Variants in GKAP1 observed in about 807,000 individuals in gnomAD.
GKAP1 encodes G kinase anchoring protein 1, also known as G kinase-anchoring protein 1.
GKAP1 carries 31 observed loss-of-function variants against 56.7 expected under a neutral mutation model. The ratio of observed to expected loss-of-function variants is 0.55; its 90% CI spans 0.41 to 0.74. The LOEUF (loss-of-function observed/expected upper bound fraction) is 0.74. Ranked by LOEUF, GKAP1 falls within the 30% of genes least tolerant of loss-of-function variation. The pLI, the probability that GKAP1 is intolerant of heterozygous loss-of-function variation, is 0.00. For synonymous variants in GKAP1, 151 were observed against 138.6 expected (o/e 1.09, Z -0.63); for missense variants, 364 against 402.3 (o/e 0.90, Z 0.82).
intron 6 of GKAP1, among the ~76,000 whole-genome samples, chr9:83,781,842 T>C (rs1943977446): frequency 8.7e-6 from 1 of 114,810 alleles, no homozygotes; most frequent in African/African-American, 2.8e-5. Flanking sequence ...AAAATGTATT[T>C]CTTCTTTTTT....
At chr9:83,781,766 G>A (rs2131289110) in intron 6 of GKAP1, among the ~76,000 whole-genome samples, 1 of 151,920 alleles carries the variant, frequency 6.6e-6, no homozygotes, top group East Asian at 1.9e-4. Context: ...TACCATTTAA[G>A]AAATCAAATG....
chr9:83,769,159 A>G (rs1447197925), intron 7 of GKAP1, among the ~76,000 whole-genome samples, 189 bp from the exon 8 acceptor site: 1 of 152,224 alleles, frequency 6.6e-6, no homozygotes, highest in African/African-American at 2.4e-5. Context: ...CCAGAAGATA[A>G]AACAGTAGAG....
intron 5 of GKAP1, among the ~76,000 whole-genome samples, chr9:83,788,018 C>G (rs1274555545): frequency 1.3e-5 from 2 of 152,180 alleles, no homozygotes; most frequent in African/African-American, 4.8e-5. Flanking sequence ...TGGCTCACAC[C>G]TGTAATCCCA....
At chr9:83,747,395 GA>G (rs1478453941) in intron 10 of GKAP1, among the ~76,000 whole-genome samples, 9 of 152,132 alleles carry the variant, frequency 5.9e-5, no homozygotes, top group Non-Finnish European at 4.4e-5. Flanking sequence ...GAGCAGTGGG[GA>G]GGGGAGAAGG....
At chr9:83,774,616 A>G (rs1943820927) in intron 7 of GKAP1, among the ~76,000 whole-genome samples, 1 of 150,600 alleles carries the variant, frequency 6.6e-6, no homozygotes, top group Non-Finnish European at 1.5e-5. Context: ...AGCCAATTGT[A>G]GCAAAAACAA....
At chr9:83,795,899 T>C (rs1944238669) in intron 4 of GKAP1, among the ~76,000 whole-genome samples, 1 of 152,094 alleles carries the variant, frequency 6.6e-6, no homozygotes, top group African/African-American at 2.4e-5. Context: ...CTAGGCTAGA[T>C]GTGAAATTCT....
intron 2 of GKAP1, among the ~76,000 whole-genome samples, chr9:83,808,960 C>T (rs1014772710): frequency 6.6e-6 from 1 of 152,216 alleles, no homozygotes; most frequent in African/African-American, 2.4e-5. Context: ...ATAAAGTCTG[C>T]AACCACAATG....
chr9:83,742,827 A>AT (rs1943231414), intron 10 of GKAP1, among the ~76,000 whole-genome samples: 1 of 152,022 alleles, frequency 6.6e-6, no homozygotes. Context: ...TCAGCACAGC[A>AT]TTTTTTTCTT....
intron 3 of GKAP1, among the ~76,000 whole-genome samples, chr9:83,805,937 C>T (rs1944433018): frequency 6.6e-6 from 1 of 152,074 alleles, no homozygotes; most frequent in African/African-American, 2.4e-5. Context: ...TGCAACATGG[C>T]AAAACTCCAT....
At chr9:83,766,797 A>G (rs1171489022) in intron 8 of GKAP1, among the ~76,000 whole-genome samples, 1 of 152,260 alleles carries the variant, frequency 6.6e-6, no homozygotes, top group Non-Finnish European at 1.5e-5. Flanking sequence ...AAAGTTACAT[A>G]GTACTGATTT....
intron 4 of GKAP1, among the ~76,000 whole-genome samples, chr9:83,795,156 C>CAAA (rs1031439217): frequency 9.3e-5 from 6 of 64,444 alleles, no homozygotes; most frequent in Admixed American, 1.8e-4. Context: ...GACTCCATCT[C>CAAA]AAAAAAAAAA....
chr9:83,742,699 T>C, intron 10 of GKAP1, 99 bp from the exon 11 acceptor site: 1 of 634,726 alleles, frequency 1.6e-6, no homozygotes. Flanking sequence ...ATTAGAACAA[T>C]GATTTCTTGT....
chr9:83,756,467 T>A, intron 8 of GKAP1, among the ~76,000 whole-genome samples: 3 of 48,848 alleles, frequency 6.1e-5, no homozygotes, highest in South Asian at 9.3e-4. Context: ...TGAGACTCCA[T>A]CTCAAAAAAA....
chr9:83,789,727 T>C (rs529031386), intron 4 of GKAP1, among the ~76,000 whole-genome samples: 6 of 151,512 alleles, frequency 4.0e-5, no homozygotes, highest in East Asian at 1.9e-4. Flanking sequence ...TCCAATTCCT[T>C]TTTTTTCCTC....
intron 7 of GKAP1, among the ~76,000 whole-genome samples, chr9:83,771,244 G>T (rs1943755358): frequency 6.6e-6 from 1 of 151,556 alleles, no homozygotes; most frequent in Admixed American, 6.6e-5. Flanking sequence ...TTTGTTGTTT[G>T]TTTGTTTGTT....
At chr9:83,748,530 C>T in intron 9 of GKAP1, 158 bp from the exon 10 acceptor site, 1 of 455,142 alleles carries the variant, frequency 2.2e-6, no homozygotes, top group Admixed American at 4.1e-5. Flanking sequence ...GAACTATCTA[C>T]AACTTAAATT....
chr9:83,764,222 C>T (rs1253993341), intron 8 of GKAP1, among the ~76,000 whole-genome samples: 2 of 152,092 alleles, frequency 1.3e-5, no homozygotes, highest in Admixed American at 6.6e-5. Context: ...TTGTAATAAT[C>T]CCCAAGTGTC....
At chr9:83,775,824 A>G (rs1298113604) in intron 7 of GKAP1, among the ~76,000 whole-genome samples, 2 of 147,828 alleles carry the variant, frequency 1.4e-5, no homozygotes, top group African/African-American at 2.5e-5. Context: ...GCAGTGAGCC[A>G]AGATCGTGCC....
chr9:83,774,538 A>C (rs1943819018), intron 7 of GKAP1, among the ~76,000 whole-genome samples: 1 of 151,286 alleles, frequency 6.6e-6, no homozygotes, highest in African/African-American at 2.4e-5. Context: ...AGGTTGCAGT[A>C]AGCTGAGACC....
Sources: gnomAD v4.1 joint callset for allele counts (sites outside exome capture counted in the v4.1 genomes callset) on GRCh38, gnomAD v4.1.1 for gene constraint, MANE v1.5 for transcripts, NCBI Gene and HGNC (gene_info 2026-07-23, HGNC 2026-07-21) for gene names.